The following LRFN5 variants were observed in gnomAD, a reference collection of about 807,000 sequenced individuals.
The protein encoded by LRFN5 is leucine-rich repeat and fibronectin type-III domain-containing protein 5.
LRFN5 carries 24 observed loss-of-function variants against 45.6 expected under a neutral mutation model. That is an observed-to-expected ratio of 0.53 (90% CI 0.38 to 0.74). The LOEUF (loss-of-function observed/expected upper bound fraction) is 0.74. LRFN5 is among the 30% of genes least tolerant of loss of function. LRFN5 has a pLI of 0.00. For missense variants in LRFN5, 776 were observed against 861.5 expected, an observed-to-expected ratio of 0.90 and a Z score of 1.24; for synonymous variants, 340 against 313.8, an observed-to-expected ratio of 1.08 and a Z score of -0.88.
chr14:41,684,361 C>A (rs1882030149), intron 1 of LRFN5, among the ~76,000 whole-genome samples: 1 of 152,114 alleles, frequency 6.6e-6, no homozygotes, highest in African/African-American at 2.4e-5. Context: ...TTCAGCATGG[C>A]TGGGAAGTCC....
Position 41,808,396 on chromosome 14 carries a change from GAAGA to G in LRFN5, c.-21+41371_-21+41374del, listed in dbSNP as rs1238911391. 5.7e-5 allele frequency among the ~76,000 whole-genome samples: 3 copies of G among 52,482 alleles called. 1 individual carries two copies. The highest frequency in any genetic ancestry group is 2.6e-4 in the African/African-American group (3 of 11,734). 34.4% of individuals were successfully genotyped at this position (52,482 alleles called of 152,430 possible). A position where few individuals can be genotyped will look rare whatever the true frequency, so the allele number is the denominator to read the frequency against. Reference sequence around the variant, plus strand: ...AAGGGAAAGAAGGAAGGAAGGAAAGGAAGAAAGGAAGAAAGGAAGGAAGGAAGGA... The same window carrying G: ...AAGGGAAAGAAGGAAGGAAGGAAAGGAAGGAAGAAAGGAAGGAAGGAAGGA... On this transcript the variant is annotated intron_variant, in intron 2 of 5. Coordinates refer to ENST00000298119, the MANE Select transcript of LRFN5 (RefSeq NM_152447.5).
intron 1 of LRFN5, among the ~76,000 whole-genome samples, chr14:41,707,534 CTCA>C (rs1883115524): frequency 6.6e-6 from 1 of 152,014 alleles, no homozygotes. Flanking sequence ...AATGATGAAA[CTCA>C]TCATGCTTTT....
At chr14:41,790,100 T>C (rs2138941570) in intron 2 of LRFN5, among the ~76,000 whole-genome samples, 1 of 152,094 alleles carries the variant, frequency 6.6e-6, no homozygotes. Flanking sequence ...TGTGGTATTA[T>C]AAATTCTACT....
chr14:41,781,522 G>A (rs1465903488), intron 2 of LRFN5, among the ~76,000 whole-genome samples: 1 of 147,292 alleles, frequency 6.8e-6, no homozygotes, highest in Non-Finnish European at 1.5e-5. Flanking sequence ...AAGGGAGGGA[G>A]GGAGGGAAGA....
intron 1 of LRFN5, among the ~76,000 whole-genome samples, chr14:41,727,753 A>T (rs913821855): frequency 1.3e-5 from 2 of 152,200 alleles, no homozygotes; most frequent in Admixed American, 1.3e-4. Flanking sequence ...AAAACATTTG[A>T]ACTGGAGTCT....
chr14:41,889,007 A>ATT (rs1291781056), intron 3 of LRFN5, among the ~76,000 whole-genome samples: 2 of 149,718 alleles, frequency 1.3e-5, no homozygotes, highest in Non-Finnish European at 3.0e-5. Context: ...ATACACATAT[A>ATT]TATATGTGTG....
At chr14:41,802,787 G>C (rs1887383137) in intron 2 of LRFN5, among the ~76,000 whole-genome samples, 1 of 151,896 alleles carries the variant, frequency 6.6e-6, no homozygotes, top group African/African-American at 2.4e-5. Flanking sequence ...CACTTACTCA[G>C]AGTTTAAATT....
intron 2 of LRFN5, among the ~76,000 whole-genome samples, chr14:41,854,416 C>T (rs569427873): frequency 4.6e-5 from 7 of 151,718 alleles, no homozygotes; most frequent in South Asian, 4.1e-4. Flanking sequence ...ATGTAAATGA[C>T]GAGTTAACAG....
At chr14:41,814,968 C>T (rs982025535) in intron 2 of LRFN5, among the ~76,000 whole-genome samples, 5 of 151,892 alleles carry the variant, frequency 3.3e-5, no homozygotes, top group African/African-American at 9.7e-5. Context: ...AAACATCCAT[C>T]GAAAAAAGCA....
intron 1 of LRFN5, among the ~76,000 whole-genome samples, chr14:41,668,061 G>A (rs993566187): frequency 4.6e-5 from 7 of 152,068 alleles, no homozygotes; most frequent in Non-Finnish European, 8.8e-5. Context: ...TTATAAAGTG[G>A]AGGCAATAAC....
chr14:41,718,654 C>T (rs1883589606), intron 1 of LRFN5, among the ~76,000 whole-genome samples: 1 of 152,192 alleles, frequency 6.6e-6, no homozygotes, highest in South Asian at 2.1e-4. Context: ...CCCTCAAATA[C>T]ATCTCACGTC....
At chr14:41,617,206 T>C (rs769602060) in intron 1 of LRFN5, among the ~76,000 whole-genome samples, 1 of 152,116 alleles carries the variant, frequency 6.6e-6, no homozygotes, top group Non-Finnish European at 1.5e-5. Context: ...ATCAGCATCA[T>C]CTTCATCATA....
intron 1 of LRFN5, among the ~76,000 whole-genome samples, chr14:41,708,746 T>C (rs908382405): frequency 3.9e-5 from 6 of 152,032 alleles, no homozygotes; most frequent in Admixed American, 1.3e-4. Context: ...TGTTATTGAT[T>C]GTATTTCCTG....
At chr14:41,643,849 G>T (rs1176638485) in intron 1 of LRFN5, among the ~76,000 whole-genome samples, 2 of 151,846 alleles carry the variant, frequency 1.3e-5, no homozygotes, top group Non-Finnish European at 2.9e-5. Context: ...CTCTTCCTAT[G>T]GTCATGTTTT....
intron 1 of LRFN5, among the ~76,000 whole-genome samples, chr14:41,673,596 G>T (rs1343528799): frequency 3.4e-5 from 5 of 148,240 alleles, no homozygotes; most frequent in Non-Finnish European, 6.0e-5. Context: ...CTCACTCCCG[G>T]ATGGGGCGGC....
At position 41,675,367 on chromosome 14, in the gene LRFN5, G is replaced by A. The variant is rs1203555566; in HGVS notation, c.-197+66805G>A. 4.6e-5 allele frequency among the ~76,000 whole-genome samples: 7 copies of A among 152,376 alleles called. No homozygotes were observed. The East Asian group carries it at 1.2e-3, about 25-fold the overall frequency. Reference sequence around the variant, plus strand: ...TGCAATCCCGGCACCTCGGGAGGCCGAGGCTGGCGGATCACTCGCTGTTAG... The same window carrying A: ...TGCAATCCCGGCACCTCGGGAGGCCAAGGCTGGCGGATCACTCGCTGTTAG... On this transcript the variant is annotated intron_variant, in intron 1 of 5. Transcript: ENST00000298119.
At chr14:41,737,919 C>A (rs1183585152) in intron 1 of LRFN5, among the ~76,000 whole-genome samples, 1 of 151,988 alleles carries the variant, frequency 6.6e-6, no homozygotes, top group Non-Finnish European at 1.5e-5. Context: ...AATGGTCATA[C>A]CACCCAAAGT....
chr14:41,847,761 C>T (rs1249615723), intron 2 of LRFN5, among the ~76,000 whole-genome samples: 1 of 151,806 alleles, frequency 6.6e-6, no homozygotes, highest in East Asian at 1.9e-4. Context: ...TTATTTTTAT[C>T]TTGCACAAAA....
intron 1 of LRFN5, among the ~76,000 whole-genome samples, chr14:41,699,081 T>G (rs1024917852): frequency 1.3e-5 from 2 of 152,040 alleles, no homozygotes; most frequent in Non-Finnish European, 2.9e-5. Flanking sequence ...ATGACAGACT[T>G]GTAGAATTTT....
Sources: gnomAD v4.1 joint callset for allele counts (sites outside exome capture counted in the v4.1 genomes callset) on GRCh38, gnomAD v4.1.1 for gene constraint, MANE v1.5 for transcripts, NCBI Gene and HGNC (gene_info 2026-07-23, HGNC 2026-07-21) for gene names.